OPN5: variants seen among roughly 807,000 people sequenced by gnomAD.
OPN5 encodes opsin-5.
OPN5 carries 18 observed loss-of-function variants against 41.7 expected under a neutral mutation model. That is an observed-to-expected ratio of 0.43 (90% confidence interval 0.30 to 0.64). The LOEUF is 0.64. Among genes scored for constraint, OPN5 ranks in the 30% least tolerant of loss-of-function variants. The pLI, the probability that OPN5 is intolerant of heterozygous loss-of-function variation, is 0.13. For synonymous variants in OPN5, 178 were observed against 164.3 expected (o/e 1.08, Z -0.64); for missense variants, 318 against 434.5 (o/e 0.73, Z 2.38).
rs1251052715 is a variant in OPN5 at position 47,786,740 on chromosome 6, C to T, written c.250+106C>T. The stretch of plus-strand genomic sequence containing the variant: ...CCTGACATCTCTTCCCTTCACATCT[C>T]CTTCCACTCTTCGCTTCACAAATCA... On this transcript the variant is annotated intron_variant, in intron 2 of 6. Coordinates refer to ENST00000371211, the Ensembl canonical transcript of OPN5. 1.1e-5 allele frequency: 10 copies of T among 944,842 alleles called. No individual in the cohort carries two copies. The African/African-American group carries it at 1.6e-4, about 16-fold the overall frequency. 58.5% of individuals were successfully genotyped at this position (944,842 alleles called of 1,614,324 possible).
chr6:47,789,950 C>T (rs1376779582), intron 2 of OPN5, among the ~76,000 whole-genome samples: 2 of 146,988 alleles, frequency 1.4e-5, no homozygotes, highest in East Asian at 2.0e-4. Flanking sequence ...GGGAGGGCTA[C>T]AGGTTATGAG....
chr6:47,794,982 T>A (rs987755957), intron 3 of OPN5: 7 of 438,858 alleles, frequency 1.6e-5, no homozygotes, highest in Non-Finnish European at 2.8e-5. Context: ...TCCCAGCTGT[T>A]GTCACTTCTC....
At chr6:47,817,210 A>G (rs1161005726) in intron 6 of OPN5, among the ~76,000 whole-genome samples, 3 of 152,146 alleles carry the variant, frequency 2.0e-5, no homozygotes, top group Admixed American at 6.6e-5. Context: ...GAAGGGGGTC[A>G]GAGCACGTTG....
chr6:47,801,868 G>A (rs941230148), intron 4 of OPN5, among the ~76,000 whole-genome samples: 1 of 151,558 alleles, frequency 6.6e-6, no homozygotes, highest in Non-Finnish European at 1.5e-5. Flanking sequence ...TACATGGTAA[G>A]TGCTTAATAT....
intron 4 of OPN5, among the ~76,000 whole-genome samples, chr6:47,804,600 G>T (rs1042694106): frequency 2.0e-5 from 3 of 152,082 alleles, no homozygotes; most frequent in Non-Finnish European, 4.4e-5. Context: ...ATTTTAAAAT[G>T]GAAAGGTTAT....
At chr6:47,815,168 T>C (rs1762393917) in intron 6 of OPN5, among the ~76,000 whole-genome samples, 1 of 152,194 alleles carries the variant, frequency 6.6e-6, no homozygotes, top group Admixed American at 6.6e-5. Context: ...AATAAGAATA[T>C]ATTTCACAGT....
chr6:47,806,467 C>G (rs1466542428), intron 4 of OPN5, among the ~76,000 whole-genome samples: 2 of 152,114 alleles, frequency 1.3e-5, no homozygotes, highest in African/African-American at 4.8e-5. Context: ...AGGGATGTGT[C>G]TGCTTTGTTT....
chr6:47,794,654 T>C (rs1773487360), intron 3 of OPN5: 1 of 152,380 alleles, frequency 6.6e-6, no homozygotes, highest in African/African-American at 2.4e-5. Context: ...GTGAGCGCGA[T>C]TGTTGTGTGA....
At chr6:47,819,580 A>G (rs1441908685) in intron 6 of OPN5, among the ~76,000 whole-genome samples, 1 of 151,728 alleles carries the variant, frequency 6.6e-6, no homozygotes, top group African/African-American at 2.4e-5. Flanking sequence ...AAAACCATTC[A>G]CATTAGTCAG....
At chr6:47,824,355 C>T (rs1350771931) in exon 7 of OPN5, 2 of 306,516 alleles carry the variant, frequency 6.5e-6, no homozygotes, top group East Asian at 1.2e-4. Flanking sequence ...CAGGCTGTGT[C>T]TCTGACTGGA....
intron 4 of OPN5, among the ~76,000 whole-genome samples, chr6:47,803,257 C>T (rs981350384): frequency 6.6e-6 from 1 of 152,176 alleles, no homozygotes; most frequent in African/African-American, 2.4e-5. Context: ...AGGTAGGTCA[C>T]AGTTGTCAAG....
At position 47,808,091 on chromosome 6, in the gene OPN5, G is replaced by A. The variant is rs113277713; in HGVS notation, c.757-63G>A. ...GACCTGATCCTTCTCCATACCCATC[G>A]TTTCAGACTCATGTCCTTTATCAGT... On this transcript the variant is annotated intron_variant, in intron 4 of 6. Transcript: ENST00000371211. 32 of 1,564,698 alleles carry A rather than the reference G, an allele frequency of 2.0e-5. No homozygotes were observed. The African/African-American group carries it at 3.0e-4, about 15-fold the overall frequency.
At chr6:47,810,254 G>A (rs1303588080) in intron 5 of OPN5, among the ~76,000 whole-genome samples, 1 of 152,148 alleles carries the variant, frequency 6.6e-6, no homozygotes, top group African/African-American at 2.4e-5. Context: ...GCCCTTAGGT[G>A]CTAGAGGTTG....
At chr6:47,822,321 G>A (rs1351438096) in intron 6 of OPN5, among the ~76,000 whole-genome samples, 1 of 152,106 alleles carries the variant, frequency 6.6e-6, no homozygotes, top group Non-Finnish European at 1.5e-5. Context: ...ATGGACAAGA[G>A]TTTGTTATTC....
intron 5 of OPN5, among the ~76,000 whole-genome samples, chr6:47,810,048 T>C (rs1774131236): frequency 6.6e-6 from 1 of 152,208 alleles, no homozygotes; most frequent in Admixed American, 6.5e-5. Context: ...GGGAAATTTA[T>C]GTGGGAGAAA....
chr6:47,795,923 A>T (rs1773556393), intron 4 of OPN5, among the ~76,000 whole-genome samples: 1 of 152,208 alleles, frequency 6.6e-6, no homozygotes, highest in Non-Finnish European at 1.5e-5. Context: ...AATAACTTTT[A>T]TGAATCATAC....
intron 4 of OPN5, among the ~76,000 whole-genome samples, chr6:47,799,865 A>T (rs549542644): frequency 6.6e-6 from 1 of 152,122 alleles, no homozygotes; most frequent in African/African-American, 2.4e-5. Flanking sequence ...TCTTATTTCC[A>T]TGTACATCCT....
At chr6:47,822,130 G>T (rs1012302201) in intron 6 of OPN5, among the ~76,000 whole-genome samples, 4 of 146,170 alleles carry the variant, frequency 2.7e-5, no homozygotes, top group Admixed American at 6.8e-5. Flanking sequence ...AAAAAAAAAT[G>T]CAGGTGATTC....
intron 4 of OPN5, among the ~76,000 whole-genome samples, chr6:47,800,506 A>G (rs1773728812): frequency 6.6e-6 from 1 of 152,222 alleles, no homozygotes; most frequent in Non-Finnish European, 1.5e-5. Flanking sequence ...GAGGTTCTAC[A>G]ATACTGATGT....
Sources: allele counts gnomAD v4.1 joint callset (sites outside exome capture counted in the v4.1 genomes callset), GRCh38; gene constraint gnomAD v4.1.1; transcripts MANE v1.5; gene names NCBI Gene and HGNC (gene_info 2026-07-23, HGNC 2026-07-21).